THSD7B: variants seen among roughly 807,000 people sequenced by gnomAD.
THSD7B encodes the protein thrombospondin type 1 domain containing 7B.
Under a neutral mutation model 213.6 loss-of-function variants are expected in THSD7B, and 138 were observed. The observed-to-expected ratio is 0.65, with a 90% CI of 0.56 to 0.74. The LOEUF (loss-of-function observed/expected upper bound fraction) is 0.74. THSD7B is among the 30% of genes least tolerant of loss of function. The pLI, the probability that THSD7B is intolerant of heterozygous loss-of-function variation, is 0.00. For synonymous variants in THSD7B, 742 were observed against 687.0 expected (o/e 1.08, Z -1.25); for missense variants, 1,931 against 1,991.5 (o/e 0.97, Z 0.58).
At chr2:137,578,828 T>C (rs1483085163) in intron 17 of THSD7B, among the ~76,000 whole-genome samples, 3 of 152,144 alleles carry the variant, frequency 2.0e-5, no homozygotes, top group Middle Eastern at 3.2e-3. Flanking sequence ...TCTGGCTATA[T>C]AGGTGTTTTC....
chr2:137,516,971 TG>T (rs1161618654), intron 15 of THSD7B, among the ~76,000 whole-genome samples: 1 of 152,234 alleles, frequency 6.6e-6, no homozygotes, highest in Non-Finnish European at 1.5e-5. Context: ...AGATGGATCT[TG>T]GAGAATGACA....
chr2:136,918,133 T>A (rs1004083402), intron 2 of THSD7B, among the ~76,000 whole-genome samples: 21 of 152,218 alleles, frequency 1.4e-4, no homozygotes, highest in Admixed American at 6.5e-5. Context: ...TGAAATGGAT[T>A]ACAGAGATTA....
chr2:136,947,320 TTTATTAA>T lies in THSD7B; in HGVS notation c.139+65011_139+65017del, dbSNP rs1205234957. On this transcript the variant is annotated intron_variant, in intron 2 of 27. Transcript: ENST00000409968. ...TGAAATATTTGGTTAATTGAGATAT[TTTATTAA>T]TTATTAAGATTATTTTTCTAATTAA... Among the ~76,000 whole-genome samples the T allele has an allele frequency of 2.0e-5, 3 of 152,186 alleles. No individual in the cohort carries two copies. The South Asian group carries it at 6.2e-4, about 32-fold the overall frequency.
intron 1 of THSD7B, among the ~76,000 whole-genome samples, chr2:136,831,577 A>G (rs1204315630): frequency 6.6e-6 from 1 of 152,248 alleles, no homozygotes; most frequent in Non-Finnish European, 1.5e-5. Flanking sequence ...CAACAAGGCC[A>G]TTTCTCTATG....
At chr2:136,877,092 GC>G (rs2104986770) in intron 1 of THSD7B, among the ~76,000 whole-genome samples, 1 of 94,306 alleles carries the variant, frequency 1.1e-5, no homozygotes, top group South Asian at 4.4e-4. Flanking sequence ...TGTGCATAGA[GC>G]CTGGGCTGCT....
chr2:137,588,905 G>T (rs935003541), intron 17 of THSD7B, among the ~76,000 whole-genome samples: 1 of 151,998 alleles, frequency 6.6e-6, no homozygotes, highest in Non-Finnish European at 1.5e-5. Context: ...TCAGCCTCCT[G>T]AGTAGGTGGG....
At chr2:137,091,123 A>G (rs989879879) in intron 3 of THSD7B, among the ~76,000 whole-genome samples, 5 of 152,346 alleles carry the variant, frequency 3.3e-5, no homozygotes, top group Admixed American at 6.5e-5. Context: ...TGGAAAGAAA[A>G]CAAGAATTAG....
At chr2:136,798,942 T>C (rs1341357283) in intron 1 of THSD7B, among the ~76,000 whole-genome samples, 1 of 152,022 alleles carries the variant, frequency 6.6e-6, no homozygotes, top group African/African-American at 2.4e-5. Context: ...TGCCCAGAGA[T>C]TCCCTTGCCA....
At chr2:137,397,570 C>T (rs1287757672) in intron 12 of THSD7B, among the ~76,000 whole-genome samples, 3 of 151,332 alleles carry the variant, frequency 2.0e-5, no homozygotes, top group Non-Finnish European at 3.0e-5. Flanking sequence ...GAGGGTAACC[C>T]GACCTTTCTC....
At chr2:137,408,645 G>A (rs992591564) in intron 13 of THSD7B, among the ~76,000 whole-genome samples, 6 of 152,206 alleles carry the variant, frequency 3.9e-5, no homozygotes, top group African/African-American at 1.2e-4. Context: ...CAGATCTGTA[G>A]TGTTTCACAG....
At chr2:136,803,454 G>A (rs758858291) in intron 1 of THSD7B, among the ~76,000 whole-genome samples, 6 of 152,086 alleles carry the variant, frequency 3.9e-5, no homozygotes, top group South Asian at 2.1e-4. Context: ...TAATTTTTAC[G>A]TGGAACTATG....
rs1213803246 is a variant in THSD7B at position 137,272,553 on chromosome 2, T to A, written c.2287T>A (p.Ser763Thr). 9 of 1,610,996 alleles carry A rather than the reference T, an allele frequency of 5.6e-6. No homozygotes were observed. Among genetic ancestry groups the A allele is most frequent in the Non-Finnish European group, 7.6e-6 (9 of 1,178,644 alleles). ...CQAGNATVKQ[S>T]RYRIIIQEAA... is the part of the protein sequence containing the mutation. ...TTCAGGAAATGCCACAGTAAAACAG[T>A]CTCGATACAGAATCATCATCCAAGA... Residue 763 changes from serine (S) to threonine (T), a missense_variant, in exon 11 of 28, where the codon TCT becomes ACT. Transcript: ENST00000409968.
rs1681545837 is a variant in THSD7B, at chr2:136,773,477, T to A, written c.-36+7790T>A. ...CACATTAAAGAAGAAAACATTGAAA[T>A]TAATTTTAATAATATGTCTTATTAA... On this transcript the variant is annotated intron_variant, in intron 1 of 27. Coordinates refer to ENST00000409968, the MANE Select transcript of THSD7B (RefSeq NM_001316349.2). Among the ~76,000 whole-genome samples the A allele has an allele frequency of 2.6e-5, 4 of 152,196 alleles. No homozygotes were observed. In the South Asian group the frequency reaches 8.3e-4, roughly 32 times the overall value.
At position 136,806,514 on chromosome 2, in the gene THSD7B, CATATT is replaced by C. The variant is rs574648173; in HGVS notation, c.-36+40833_-36+40837del. Among the ~76,000 whole-genome samples the C allele has an allele frequency of 5.1e-4, 77 of 152,158 alleles. 1 individual carries two copies. In the South Asian group the frequency reaches 0.01, roughly 21 times the overall value. ...ACAACTTAGCAAGAAGAGTGAAAAACATATTATATTCAGCCATGTTTTCTTTTTTT... is the reference window on the plus strand; with the variant it reads ...ACAACTTAGCAAGAAGAGTGAAAAACATATTCAGCCATGTTTTCTTTTTTT... On this transcript the variant is annotated intron_variant, in intron 1 of 27. Coordinates refer to ENST00000409968, the MANE Select transcript of THSD7B (RefSeq NM_001316349.2).
At chr2:137,178,996 G>A (rs889907149) in intron 7 of THSD7B, among the ~76,000 whole-genome samples, 2 of 152,106 alleles carry the variant, frequency 1.3e-5, no homozygotes, top group African/African-American at 4.8e-5. Flanking sequence ...TTCCTGAGTT[G>A]TGCCTGTGTC....
intron 1 of THSD7B, among the ~76,000 whole-genome samples, chr2:136,868,635 TA>T (rs1228409006): frequency 6.6e-6 from 1 of 152,234 alleles, no homozygotes; most frequent in Non-Finnish European, 1.5e-5. Context: ...AGTATTTTTT[TA>T]ATCTCAAAGT....
intron 27 of THSD7B, among the ~76,000 whole-genome samples, chr2:137,671,861 G>A (rs890981687): frequency 3.9e-5 from 6 of 151,988 alleles, no homozygotes; most frequent in Non-Finnish European, 7.4e-5. Flanking sequence ...GCTAGCTATT[G>A]GTACTCTACC....
chr2:137,464,663 A>G (rs1159947099), intron 15 of THSD7B, among the ~76,000 whole-genome samples: 1 of 152,092 alleles, frequency 6.6e-6, no homozygotes, highest in East Asian at 1.9e-4. Flanking sequence ...AGATTCCAGT[A>G]GTTGGAATTT....
At chr2:137,335,279 C>A (rs1183934893) in intron 12 of THSD7B, among the ~76,000 whole-genome samples, 1 of 152,142 alleles carries the variant, frequency 6.6e-6, no homozygotes, top group Non-Finnish European at 1.5e-5. Context: ...TAGTGTTGGA[C>A]TCTTACGAGC....
Sources: allele counts gnomAD v4.1 joint callset (sites outside exome capture counted in the v4.1 genomes callset), GRCh38; gene constraint gnomAD v4.1.1; transcripts MANE v1.5; gene names NCBI Gene and HGNC (gene_info 2026-07-23, HGNC 2026-07-21).